CDK18: variants seen among roughly 807,000 people sequenced by gnomAD.
CDK18 encodes cyclin dependent kinase 18, also known as cyclin-dependent kinase 18.
A neutral mutation model predicts 62.0 loss-of-function variants in CDK18; 52 were observed. The observed-to-expected ratio is 0.84, with a 90% CI of 0.67 to 1.06. The LOEUF (loss-of-function observed/expected upper bound fraction) is 1.06, where lower values mean the gene tolerates loss of function less well. Ranked by LOEUF, CDK18 falls within the 50% of genes least tolerant of loss-of-function variation. CDK18 has a pLI of 0.00. For synonymous variants in CDK18, 237 were observed against 247.0 expected, an observed-to-expected ratio of 0.96 and a Z score of 0.38; for missense variants, 604 against 619.9, an observed-to-expected ratio of 0.97 and a Z score of 0.27.
Position 205,530,314 on chromosome 1 carries a change from G to C in CDK18, c.1277G>C (p.Arg426Pro), listed in dbSNP as rs760915150. The C allele has an allele frequency of 2.5e-6, 4 of 1,613,216 alleles. No individual in the cohort carries two copies. Among genetic ancestry groups the C allele is most frequent in the Non-Finnish European group, 3.4e-6 (4 of 1,180,016 alleles). ...AEAALSHSYF[R>P]SLGERVHQLE... ...GCTGCCCTGAGTCACTCCTACTTCC[G>C]GTCTCTGGGAGAGCGTGTGCACCAG... The change falls in exon 14 of 16, where the codon CGG becomes CCG. Residue 426 changes from arginine to proline, a missense_variant. Physicochemically the swap from Arg to Pro is moderately radical, Grantham distance 103 (BLOSUM62 -2). Coordinates refer to ENST00000429964, the MANE Select transcript of CDK18 (RefSeq NM_212502.3).
At position 205,523,523 on chromosome 1, in the gene CDK18, G is replaced by A. The variant is rs1233653176; in HGVS notation, c.171G>A (p.Glu57=). Residue 57 remains glutamate, a synonymous_variant, in exon 3 of 16, where the codon GAG becomes GAA. Coordinates refer to ENST00000429964, the MANE Select transcript of CDK18 (RefSeq NM_212502.3). ...CTCTTGGCAGAGACCCCCCGCAGGAGTGCAGCACCTTCTCCCCAACAGACA... is the reference window on the plus strand; with the variant it reads ...CTCTTGGCAGAGACCCCCCGCAGGAATGCAGCACCTTCTCCCCAACAGACA... The part of the protein sequence containing the change: ...LGPLGRDPPQ[E]CSTFSPTDSG... The A allele has an allele frequency of 1.2e-6, 2 of 1,607,048 alleles. No homozygotes were observed. The highest frequency in any genetic ancestry group is 1.1e-5 in the South Asian group (1 of 89,740).
rs1390576580 is a variant in CDK18 at position 205,517,299 on chromosome 1, C to A, written c.-21-5848C>A. 6.6e-6 allele frequency among the ~76,000 whole-genome samples: 1 copy of A among 152,204 alleles called. No individual in the cohort carries two copies. The highest frequency in any genetic ancestry group is 1.5e-5 in the Non-Finnish European group (1 of 68,020). ...CCCCTCACATCTGCCAAGAGATGAT[C>A]CTGCTCCCTGTCTCCTGGCCCTCTT... is the stretch of plus-strand genomic sequence containing the variant. On this transcript the variant is annotated intron_variant, in intron 1 of 15. Transcript: ENST00000429964. The surrounding 1 kb of genome is among the most constrained non-coding windows in gnomAD (Gnocchi z 4.1).
rs1360798973 is a variant in CDK18 at position 205,528,035 on chromosome 1, T to A, written c.854-13T>A. On this transcript the variant is annotated splice_polypyrimidine_tract_variant and intron_variant, in intron 9 of 15. Coordinates refer to ENST00000429964, the MANE Select transcript of CDK18 (RefSeq NM_212502.3). This position sits in a 1 kb window ranked among gnomAD's most constrained non-coding sequence, Gnocchi z 4.2. ...ACCTGTGGACAGAGGTCCAGTGACATGTCTGCCCCCAGGACTGGCCAGGGC... is the reference window on the plus strand; with the variant it reads ...ACCTGTGGACAGAGGTCCAGTGACAAGTCTGCCCCCAGGACTGGCCAGGGC... 1 of 1,613,970 alleles carries A rather than the reference T, an allele frequency of 6.2e-7. No individual in the cohort carries two copies. The highest frequency in any genetic ancestry group is 1.3e-5 in the African/African-American group (1 of 74,898).
chr1:205,517,415 A>G lies in CDK18; in HGVS notation c.-21-5732A>G, dbSNP rs1038092220. On this transcript the variant is annotated intron_variant, in intron 1 of 15. Coordinates refer to ENST00000429964, the MANE Select transcript of CDK18 (RefSeq NM_212502.3). The surrounding 1 kb of genome is among the most constrained non-coding windows in gnomAD (Gnocchi z 4.1). ...TGAGGACTCTTTTTGTCTGGGCAGT[A>G]GCTTGAGAGAGGAGAGCCAAGCTTT... is the stretch of plus-strand genomic sequence containing the variant. Among the ~76,000 whole-genome samples, 11 of 152,300 alleles carry G rather than the reference A, an allele frequency of 7.2e-5. 2 individuals are homozygous for G. Among genetic ancestry groups the G allele is most frequent in the African/African-American group, 2.6e-4 (11 of 41,570 alleles).
intron 3 of CDK18, among the ~76,000 whole-genome samples, chr1:205,523,948 C>G (rs561528531): frequency 3.3e-4 from 51 of 152,326 alleles, no homozygotes; most frequent in African/African-American, 1.1e-3. Flanking sequence ...AGAATCGGTG[C>G]CTGTAAGGGC....
rs751470387 is a variant in CDK18 at position 205,531,411 on chromosome 1, G to C, written c.*33G>C. 5 of 1,604,884 alleles carry C rather than the reference G, an allele frequency of 3.1e-6. No individual in the cohort carries two copies. The highest frequency in any genetic ancestry group is 4.3e-6 in the Non-Finnish European group (5 of 1,171,482). On this transcript the variant is annotated 3_prime_UTR_variant, in exon 16 of 16. Transcript: ENST00000429964. ...CCACCTTGCTGTGGCCAAGGGACAAGAGATCACATGGAGCACAAATTCGGG... is the reference window on the plus strand; with the variant it reads ...CCACCTTGCTGTGGCCAAGGGACAACAGATCACATGGAGCACAAATTCGGG...
At chr1:205,530,442 GC>G in intron 14 of CDK18, 93 bp downstream of exon 14, 1 of 1,372,242 alleles carries the variant, frequency 7.3e-7, no homozygotes, top group Non-Finnish European at 1.0e-6. Flanking sequence ...GAGGCCAGAG[GC>G]CCCAGCCCCA....
intron 7 of CDK18, 85 bp from the exon 8 acceptor site, chr1:205,526,690 G>C (rs764814809): frequency 4.8e-5 from 65 of 1,341,934 alleles, no homozygotes; most frequent in Non-Finnish European, 6.5e-5. Flanking sequence ...CCTTCCCAGG[G>C]AGGGGCTTCC....
intron 13 of CDK18, 130 bp from the exon 14 acceptor site, chr1:205,530,129 T>C: frequency 6.7e-7 from 1 of 1,499,224 alleles, no homozygotes; most frequent in Non-Finnish European, 8.9e-7. Context: ...GGCTGGAGGC[T>C]GACCTGGGGC....
Position 205,528,634 on chromosome 1 carries a change from GAGA to G in CDK18, c.975-363_975-361del, listed in dbSNP as rs755135155. The G allele has an allele frequency of 0.086, 24,723 of 287,396 alleles. 1,478 individuals carry two copies. Among genetic ancestry groups the G allele is most frequent in the East Asian group, 0.26 (4,072 of 15,956 alleles). The allele number at this position is 287,396 out of a possible 1,614,324, so 17.8% of individuals were successfully genotyped here. A position where few individuals can be genotyped will look rare whatever the true frequency, so the allele number is the denominator to read the frequency against. ...GTGACTCCGCCCCAAGGTTCCCCAGGAGAATGGATTTATGTACTTCTCTTCCAG... is the reference window on the plus strand; with the variant it reads ...GTGACTCCGCCCCAAGGTTCCCCAGGATGGATTTATGTACTTCTCTTCCAG... On this transcript the variant is annotated intron_variant, in intron 10 of 15. Coordinates refer to ENST00000429964, the MANE Select transcript of CDK18 (RefSeq NM_212502.3). This position sits in a 1 kb window ranked among gnomAD's most constrained non-coding sequence, Gnocchi z 4.2.
intron 1 of CDK18, among the ~76,000 whole-genome samples, chr1:205,521,992 G>A (rs989079104): frequency 6.6e-6 from 1 of 152,210 alleles, no homozygotes; most frequent in African/African-American, 2.4e-5. Context: ...TGCCAGCATG[G>A]GTGGAAGCCC....
At chr1:205,519,338 C>CCTG (rs34408185) in intron 1 of CDK18, among the ~76,000 whole-genome samples, 30,155 of 151,984 alleles carry the variant, frequency 0.2, 3,040 homozygotes, top group South Asian at 0.24. Flanking sequence ...CACCCAAGAC[C>CCTG]CTGCTGGGTT....
chr1:205,531,083 A>G (rs1668713909), intron 15 of CDK18, among the ~76,000 whole-genome samples: 1 of 152,196 alleles, frequency 6.6e-6, no homozygotes, highest in African/African-American at 2.4e-5. Flanking sequence ...TTAATCCTTA[A>G]AATACCCCTT....
intron 1 of CDK18, among the ~76,000 whole-genome samples, chr1:205,506,664 G>A (rs895274965): frequency 1.3e-5 from 2 of 152,190 alleles, no homozygotes; most frequent in African/African-American, 2.4e-5. Flanking sequence ...GCCCACTTCC[G>A]TCTGACCCCA....
chr1:205,528,906 C>G lies in CDK18; in HGVS notation c.975-93C>G. The stretch of plus-strand genomic sequence containing the variant: ...CCAGAGCCACGATCCCTGCAGCCGC[C>G]TGTGGCAGGTCGTCATTGGTGCCCT... On this transcript the variant is annotated intron_variant, in intron 10 of 15. Coordinates refer to ENST00000429964, the MANE Select transcript of CDK18 (RefSeq NM_212502.3). The surrounding 1 kb of genome is among the most constrained non-coding windows in gnomAD (Gnocchi z 4.2). 1 of 801,458 alleles carries G rather than the reference C, an allele frequency of 1.2e-6. No homozygotes were observed. The highest frequency in any genetic ancestry group is 2.0e-6 in the Non-Finnish European group (1 of 495,166). 49.6% of individuals were successfully genotyped at this position (801,458 alleles called of 1,614,324 possible).
At chr1:205,506,767 TG>T (rs1237300487) in intron 1 of CDK18, among the ~76,000 whole-genome samples, 2 of 152,150 alleles carry the variant, frequency 1.3e-5, no homozygotes, top group African/African-American at 4.8e-5. Context: ...GAAGAAAGAA[TG>T]GGGGTGATGC....
In CDK18 at chr1:205,528,290, G is replaced by T. The variant is rs1668545651; in HGVS notation, c.974+122G>T. 1 of 1,187,758 alleles carries T rather than the reference G, an allele frequency of 8.4e-7. No homozygotes were observed. The highest frequency in any genetic ancestry group is 2.4e-5 in the Admixed American group (1 of 40,992). The allele number at this position is 1,187,758 out of a possible 1,614,324, so 73.6% of individuals were successfully genotyped here. On this transcript the variant is annotated intron_variant, in intron 10 of 15. Coordinates refer to ENST00000429964, the MANE Select transcript of CDK18 (RefSeq NM_212502.3). The surrounding 1 kb of genome is among the most constrained non-coding windows in gnomAD (Gnocchi z 4.2). ...CTAACTTCCTTTGCCTAAAAGCCTT[G>T]TGACATCCTGCTGAAATGGATGTTA...
In CDK18 at chr1:205,529,374, C is replaced by T; in HGVS notation, c.1123C>T (p.Arg375Cys). The change falls in exon 12 of 16, where the codon CGC becomes TGC. Residue 375 changes from arginine (R) to cysteine (C), a missense_variant. By Grantham distance (180) the Arg-to-Cys change is radical. Transcript: ENST00000429964. The stretch of plus-strand genomic sequence containing the variant: ...CGGCGTGACCGCCTTCTCTGAGTTC[C>T]GCACCTACAGCTTCCCCTGCTACCT... ...WPGVTAFSEF[R>C]TYSFPCYLPQ... 6.2e-7 allele frequency: 1 copy of T among 1,614,060 alleles called. No individual in the cohort carries two copies. Among genetic ancestry groups the T allele is most frequent in the Non-Finnish European group, 8.5e-7 (1 of 1,179,962 alleles).
rs887566634 is a variant in CDK18 at position 205,528,116 on chromosome 1, C to T, written c.922C>T (p.Pro308Ser). 6 of 1,613,880 alleles carry T rather than the reference C, an allele frequency of 3.7e-6. No individual in the cohort carries two copies. Among genetic ancestry groups the T allele is most frequent in the African/African-American group, 1.3e-5 (1 of 74,892 alleles). The change falls in exon 10 of 16, where the codon CCC becomes TCC. Residue 308 changes from proline to serine, a missense_variant. Transcript: ENST00000429964. This position sits in a 1 kb window ranked among gnomAD's most constrained non-coding sequence, Gnocchi z 4.2. ...SNEVVTLWYRPPDVLLGSTEY... is the reference protein window; with the variant it reads ...SNEVVTLWYRSPDVLLGSTEY... ...TGAGGTGGTGACCCTGTGGTACAGG[C>T]CCCCCGATGTGCTGCTGGGATCCAC...
Sources: allele counts gnomAD v4.1 joint callset (sites outside exome capture counted in the v4.1 genomes callset), GRCh38; gene constraint gnomAD v4.1.1; non-coding constraint Gnocchi (gnomAD v3.1); transcripts MANE v1.5; gene names NCBI Gene and HGNC (gene_info 2026-07-23, HGNC 2026-07-21).